The following TOP1MT variants were observed in gnomAD, a reference collection of about 807,000 sequenced individuals.
TOP1MT encodes DNA topoisomerase I mitochondrial.
In TOP1MT, 80 loss-of-function variants were observed where a neutral mutation model predicts 73.9. That is an observed-to-expected ratio of 1.08 (90% CI 0.90 to 1.30). The LOEUF (loss-of-function observed/expected upper bound fraction) is 1.30. Among genes scored for constraint, TOP1MT ranks in the 50% most tolerant of loss-of-function variants. The probability of loss-of-function intolerance (pLI) is 0.00; values close to 1 mark genes in which losing one functional copy is unlikely to be tolerated. For synonymous variants in TOP1MT, 338 were observed against 326.4 expected (o/e 1.04, Z -0.38); for missense variants, 815 against 808.0 (o/e 1.01, Z -0.10).
intron 7 of TOP1MT, among the ~76,000 whole-genome samples, chr8:143,322,584 ACGC>A (rs1215060779): frequency 4.9e-5 from 6 of 122,764 alleles, no homozygotes; most frequent in African/African-American, 1.0e-4. Flanking sequence ...ACACACATGC[ACGC>A]CACACACATG....
intron 1 of TOP1MT, among the ~76,000 whole-genome samples, chr8:143,351,095 T>C (rs1817312471): frequency 1.3e-5 from 2 of 152,182 alleles, no homozygotes; most frequent in Non-Finnish European, 2.9e-5. Context: ...CTGGCCTGCC[T>C]TCAGCAAGAA....
At chr8:143,323,691 CACACACACAGGCACA>C (rs879273957) in intron 7 of TOP1MT, among the ~76,000 whole-genome samples, 742 of 17,954 alleles carry the variant, frequency 0.041, 123 homozygotes, top group South Asian at 0.1. Flanking sequence ...ACATGCACGC[CACACACACAGGCACA>C]CCACACACAT....
intron 1 of TOP1MT, among the ~76,000 whole-genome samples, chr8:143,333,155 A>G (rs1816905955): frequency 6.7e-6 from 1 of 148,774 alleles, no homozygotes; most frequent in African/African-American, 2.4e-5. Context: ...TCTCGGAACT[A>G]ACTGATAGGA....
At chr8:143,319,663 C>A (rs1184901640) in intron 8 of TOP1MT, among the ~76,000 whole-genome samples, 1 of 152,120 alleles carries the variant, frequency 6.6e-6, no homozygotes, top group Admixed American at 6.6e-5. Flanking sequence ...CCACACTCAT[C>A]CCTCTGGGCA....
chr8:143,318,006 G>C lies in TOP1MT; in HGVS notation c.1215+12C>G. 1 of 1,614,110 alleles carries C rather than the reference G, an allele frequency of 6.2e-7. No individual in the cohort carries two copies. The highest frequency in any genetic ancestry group is 8.5e-7 in the Non-Finnish European group (1 of 1,179,978). ...CCGCCGCCCACTGCTGAGGAAACAC[G>C]AGCCGGCTTACGGTCAGCCTGTCGA... On this transcript the variant is annotated intron_variant, in intron 9 of 13. Transcript: ENST00000329245.
chr8:143,352,367 G>A (rs1817333243), intron 1 of TOP1MT, among the ~76,000 whole-genome samples: 1 of 152,168 alleles, frequency 6.6e-6, no homozygotes, highest in African/African-American at 2.4e-5. Context: ...TTCACTCAGA[G>A]TCCGGAAATA....
Position 143,324,100 on chromosome 8 carries a change from G to T in TOP1MT, c.859C>A (p.Arg287=), listed in dbSNP as rs763441442. ...WQKFETARRL[R]GFVDEIRSQY... ...GAGCGGATCTCGTCCACAAATCCCCGCAGGCGTCGAGCTGTTTCAAACTTC... is the reference window on the plus strand; with the variant it reads ...GAGCGGATCTCGTCCACAAATCCCCTCAGGCGTCGAGCTGTTTCAAACTTC... Residue 287 remains arginine (R), a synonymous_variant, in exon 7 of 14, where the codon CGG becomes AGG. Coordinates refer to ENST00000329245, the MANE Select transcript of TOP1MT (RefSeq NM_052963.3). 1 of 1,613,686 alleles carries T rather than the reference G, an allele frequency of 6.2e-7. No homozygotes were observed. The highest frequency in any genetic ancestry group is 8.5e-7 in the Non-Finnish European group (1 of 1,180,036).
chr8:143,315,965 G>A (rs905251378), intron 11 of TOP1MT, 34 bp downstream of exon 11: 5 of 1,613,802 alleles, frequency 3.1e-6, no homozygotes, highest in African/African-American at 1.3e-5. Flanking sequence ...GGTCCCTTGA[G>A]GGCTGGGCTG....
chr8:143,320,716 C>A (rs372677115), intron 8 of TOP1MT, among the ~76,000 whole-genome samples: 1 of 152,214 alleles, frequency 6.6e-6, no homozygotes, highest in South Asian at 2.1e-4. Context: ...CATGTGACAA[C>A]GGAGGCAGAG....
chr8:143,321,957 G>A (rs1345898670), intron 7 of TOP1MT, among the ~76,000 whole-genome samples: 2 of 94,406 alleles, frequency 2.1e-5, no homozygotes, highest in Non-Finnish European at 2.0e-5. Flanking sequence ...ACACACGCAC[G>A]CCACACACAT....
intron 1 of TOP1MT, among the ~76,000 whole-genome samples, chr8:143,354,980 G>A (rs1432160278): frequency 2.0e-5 from 3 of 152,330 alleles, no homozygotes; most frequent in South Asian, 2.1e-4. Context: ...AACATTTAAC[G>A]CTTGGGATAT....
At chr8:143,323,020 GCACA>G (rs1331305165) in intron 7 of TOP1MT, among the ~76,000 whole-genome samples, 5 of 38,278 alleles carry the variant, frequency 1.3e-4, no homozygotes, top group Non-Finnish European at 2.0e-4. Flanking sequence ...CCACACACAT[GCACA>G]CACACACATG....
intron 12 of TOP1MT, among the ~76,000 whole-genome samples, chr8:143,311,981 C>A (rs1293223741): frequency 1.3e-5 from 2 of 152,122 alleles, no homozygotes; most frequent in East Asian, 1.9e-4. Flanking sequence ...TAACTTTAAA[C>A]GTCTCCCAAA....
intron 8 of TOP1MT, among the ~76,000 whole-genome samples, chr8:143,319,596 G>A (rs1314036994): frequency 2.0e-5 from 3 of 151,598 alleles, no homozygotes; most frequent in African/African-American, 7.3e-5. Flanking sequence ...TGCTCCCCAG[G>A]TTCCAGTCTT....
rs771210877 is a variant in TOP1MT at position 143,321,424 on chromosome 8, C to T, written c.961-38G>A. The T allele has an allele frequency of 1.5e-5, 23 of 1,523,902 alleles. No individual in the cohort carries two copies. The South Asian group carries it at 2.6e-4, about 17-fold the overall frequency. 94.4% of individuals were successfully genotyped at this position (1,523,902 alleles called of 1,614,324 possible). A position where few individuals can be genotyped will look rare whatever the true frequency, so the allele number is the denominator to read the frequency against. On this transcript the variant is annotated intron_variant, in intron 7 of 13. Coordinates refer to ENST00000329245, the MANE Select transcript of TOP1MT (RefSeq NM_052963.3). ...GAATGGTCAAAGTGGGTGGTGCGTG[C>T]ACACGCACGCCACACACACGCACGC...
At chr8:143,324,995 G>A (rs1027984315) in intron 5 of TOP1MT, among the ~76,000 whole-genome samples, 4 of 152,164 alleles carry the variant, frequency 2.6e-5, no homozygotes, top group Non-Finnish European at 4.4e-5. Context: ...AGTACAACAT[G>A]TGGCCCAGCA....
chr8:143,337,884 A>G (rs1315066018), upstream of TOP1MT, among the ~76,000 whole-genome samples: 1 of 152,198 alleles, frequency 6.6e-6, no homozygotes, highest in East Asian at 1.9e-4. Flanking sequence ...ACTTCTTATG[A>G]GGAAGCATTG....
upstream of TOP1MT, chr8:143,345,125 T>C (rs543279394): frequency 6.6e-6 from 1 of 152,418 alleles, no homozygotes; most frequent in East Asian, 1.9e-4. Flanking sequence ...GCACAGGGGC[T>C]TGTAAAAGAG....
At chr8:143,346,981 A>G (rs1026724710), upstream of TOP1MT, among the ~76,000 whole-genome samples, 2 of 150,748 alleles carry the variant, frequency 1.3e-5, no homozygotes, top group East Asian at 3.9e-4. Flanking sequence ...TTATTTATTT[A>G]TTTATTTATT....
Sources: allele counts gnomAD v4.1 joint callset (sites outside exome capture counted in the v4.1 genomes callset), GRCh38; gene constraint gnomAD v4.1.1; transcripts MANE v1.5; gene names NCBI Gene and HGNC (gene_info 2026-07-23, HGNC 2026-07-21).